Variants in TAF3 observed in about 807,000 individuals in gnomAD.
TAF3 encodes the protein TATA-box binding protein associated factor 3.
Under a neutral mutation model 80.6 loss-of-function variants are expected in TAF3, and 7 were observed. That is an observed-to-expected ratio of 0.09 (90% CI 0.05 to 0.16). The LOEUF (loss-of-function observed/expected upper bound fraction) is 0.16. Among genes scored for constraint, TAF3 ranks in the 10% least tolerant of loss-of-function variants. TAF3 has a pLI of 1.00. For synonymous variants in TAF3, 444 were observed against 446.1 expected (o/e 1.00, Z 0.06); for missense variants, 921 against 1,140.2 (o/e 0.81, Z 2.77).
At chr10:7,998,259 A>G (rs866636931) in intron 4 of TAF3, among the ~76,000 whole-genome samples, 37 of 89,088 alleles carry the variant, frequency 4.2e-4, no homozygotes, top group Admixed American at 1.1e-3. Context: ...ATATATATAT[A>G]TATATGTATA....
intron 4 of TAF3, among the ~76,000 whole-genome samples, chr10:7,984,372 T>C (rs1831756701): frequency 6.6e-6 from 1 of 152,236 alleles, no homozygotes; most frequent in Non-Finnish European, 1.5e-5. Flanking sequence ...GGAGAGATTA[T>C]AATCAAAGCA....
intron 2 of TAF3, among the ~76,000 whole-genome samples, chr10:7,897,470 T>C (rs1448192296): frequency 6.6e-6 from 1 of 152,202 alleles, no homozygotes; most frequent in Non-Finnish European, 1.5e-5. Context: ...TAGATTCTTC[T>C]CTTTATAGCC....
chr10:8,004,976 A>T (rs566192088), intron 4 of TAF3, among the ~76,000 whole-genome samples: 1 of 152,252 alleles, frequency 6.6e-6, no homozygotes, highest in East Asian at 1.9e-4. Context: ...ATTTTGTCCT[A>T]ATACTCAGTT....
chr10:7,855,796 T>C (rs1233836033), intron 2 of TAF3, among the ~76,000 whole-genome samples: 4 of 152,012 alleles, frequency 2.6e-5, no homozygotes, highest in African/African-American at 9.7e-5. Flanking sequence ...GAAATAGTTC[T>C]TTACACTGGG....
At position 7,898,654 on chromosome 10, in the gene TAF3, C is replaced by G. The variant is rs566094592; in HGVS notation, c.410-65266C>G. Among the ~76,000 whole-genome samples the G allele has an allele frequency of 2.0e-5, 3 of 151,770 alleles. No individual in the cohort carries two copies. In the South Asian group the frequency reaches 6.2e-4, roughly 32 times the overall value. ...CCTCAGTTGTAAGATGTCTGAAGCT[C>G]TTCAAGCACTGGGTTCTTATAAAAC... is the stretch of plus-strand genomic sequence containing the variant. On this transcript the variant is annotated intron_variant, in intron 2 of 6. Transcript: ENST00000344293.
intron 5 of TAF3, among the ~76,000 whole-genome samples, chr10:8,010,757 A>G (rs746176117): frequency 3.2e-4 from 49 of 152,248 alleles, no homozygotes; most frequent in Admixed American, 4.6e-4. Flanking sequence ...AAATACAAAC[A>G]AAATTAGCTG....
In TAF3 at chr10:7,956,271, C is replaced by T. The variant is rs564428604; in HGVS notation, c.410-7649C>T. 2.6e-3 allele frequency among the ~76,000 whole-genome samples: 398 copies of T among 152,178 alleles called. 1 individual carries two copies. The highest frequency in any genetic ancestry group is 3.9e-3 in the Non-Finnish European group (268 of 68,016). On this transcript the variant is annotated intron_variant, in intron 2 of 6. Coordinates refer to ENST00000344293, the MANE Select transcript of TAF3 (RefSeq NM_031923.4). ...TTGAGGGGCCGAGGTGGGCAGATCA[C>T]GAGGTCAGGAGTTTGAGACCAGCCT...
At chr10:7,958,259 A>G (rs1230344353) in intron 2 of TAF3, among the ~76,000 whole-genome samples, 3 of 152,218 alleles carry the variant, frequency 2.0e-5, no homozygotes, top group African/African-American at 7.2e-5. Context: ...ATGTGTAACC[A>G]TCAACCAAGT....
Position 7,846,159 on chromosome 10 carries a change from G to A in TAF3, c.409+21599G>A, listed in dbSNP as rs554975567. On this transcript the variant is annotated intron_variant, in intron 2 of 6. Coordinates refer to ENST00000344293, the MANE Select transcript of TAF3 (RefSeq NM_031923.4). ...GTTTTGGTAGAGATGGGGTTTCACC[G>A]TGTTAGCCAGGACGGTCTCGATCTC... Among the ~76,000 whole-genome samples the A allele has an allele frequency of 1.6e-4, 24 of 152,052 alleles. No homozygotes were observed. In the East Asian group the frequency reaches 3.1e-3, roughly 20 times the overall value.
chr10:7,832,844 C>T (rs191250815), intron 2 of TAF3, among the ~76,000 whole-genome samples: 1 of 152,212 alleles, frequency 6.6e-6, no homozygotes, highest in Non-Finnish European at 1.5e-5. Flanking sequence ...GCCACTGCAC[C>T]TGGCCCAGCA....
At chr10:7,831,950 G>A (rs1192902487) in intron 2 of TAF3, among the ~76,000 whole-genome samples, 1 of 151,724 alleles carries the variant, frequency 6.6e-6, no homozygotes, top group Non-Finnish European at 1.5e-5. Context: ...GGGGTGCAAA[G>A]CGATGTTATG....
intron 3 of TAF3, among the ~76,000 whole-genome samples, chr10:7,967,021 C>T (rs756757489): frequency 1.4e-4 from 22 of 152,154 alleles, no homozygotes; most frequent in Non-Finnish European, 2.9e-4. Context: ...CAGATCCATA[C>T]ACCTTGTTTT....
At chr10:7,901,818 T>C (rs1837560973) in intron 2 of TAF3, among the ~76,000 whole-genome samples, 2 of 152,240 alleles carry the variant, frequency 1.3e-5, no homozygotes, top group Non-Finnish European at 1.5e-5. Flanking sequence ...TAAATAACTT[T>C]GTTTTTTCAG....
At chr10:7,901,253 CATAA>C (rs1276242027) in intron 2 of TAF3, among the ~76,000 whole-genome samples, 2 of 152,162 alleles carry the variant, frequency 1.3e-5, no homozygotes, top group African/African-American at 4.8e-5. Context: ...CTTTAAAATA[CATAA>C]ATACATTCTT....
chr10:7,863,702 T>TAC (rs1226470703), intron 2 of TAF3, among the ~76,000 whole-genome samples: 2 of 77,042 alleles, frequency 2.6e-5, no homozygotes, highest in African/African-American at 4.6e-5. Context: ...CATATATATA[T>TAC]ATACACATAT....
At chr10:7,849,352 T>G (rs888291431) in intron 2 of TAF3, among the ~76,000 whole-genome samples, 5 of 152,198 alleles carry the variant, frequency 3.3e-5, no homozygotes, top group Admixed American at 3.3e-4. Flanking sequence ...ATATTCCCGT[T>G]TGTAAGACAT....
At chr10:7,992,780 T>C (rs1269987824) in intron 4 of TAF3, among the ~76,000 whole-genome samples, 1 of 152,196 alleles carries the variant, frequency 6.6e-6, no homozygotes, top group Non-Finnish European at 1.5e-5. Context: ...TTATTAATAT[T>C]TTCAAACATA....
chr10:7,863,626 A>AAAAT lies in TAF3; in HGVS notation c.409+39067_409+39068insAATA, dbSNP rs1218836662. On this transcript the variant is annotated intron_variant, in intron 2 of 6. Coordinates refer to ENST00000344293, the MANE Select transcript of TAF3 (RefSeq NM_031923.4). ...CTCTGTCTAAAAAAAAAAAAAAAAA[A>AAAAT]ATATATATATATATATATATACACA... is the stretch of plus-strand genomic sequence containing the variant. Among the ~76,000 whole-genome samples the AAAAT allele has an allele frequency of 5.3e-3, 253 of 48,096 alleles. 37 individuals carry two copies. Among genetic ancestry groups the AAAAT allele is most frequent in the Non-Finnish European group, 6.2e-3 (159 of 25,656 alleles). 31.6% of individuals were successfully genotyped at this position (48,096 alleles called of 152,430 possible). A position where few individuals can be genotyped will look rare whatever the true frequency, so the allele number is the denominator to read the frequency against.
Position 7,964,668 on chromosome 10 carries a change from G to A in TAF3, c.1158G>A (p.Thr386=), listed in dbSNP as rs117733404. ...QPKKAVVADK[T]IEASIDAVIA... ...AAAAGGCTGTGGTAGCAGATAAAAC[G>A]ATTGAGGCCTCTATCGATGCTGTGA... The change falls in exon 3 of 7, where the codon ACG becomes ACA. Residue 386 remains threonine, a synonymous_variant. Coordinates refer to ENST00000344293, the MANE Select transcript of TAF3 (RefSeq NM_031923.4). The surrounding 1 kb of genome is among the most constrained non-coding windows in gnomAD (Gnocchi z 4.1). The A allele has an allele frequency of 1.5e-5, 24 of 1,614,202 alleles. 2 individuals are homozygous for A. Among genetic ancestry groups the A allele is most frequent in the South Asian group, 1.4e-4 (13 of 91,078 alleles).
Sources: allele counts gnomAD v4.1 joint callset (sites outside exome capture counted in the v4.1 genomes callset), GRCh38; gene constraint gnomAD v4.1.1; non-coding constraint Gnocchi (gnomAD v3.1); transcripts MANE v1.5; gene names NCBI Gene and HGNC (gene_info 2026-07-23, HGNC 2026-07-21).